Variants in CAMTA1 observed in about 807,000 individuals in gnomAD.
CAMTA1 encodes calmodulin binding transcription activator 1, also known as calmodulin-binding transcription activator 1.
CAMTA1 carries 27 observed loss-of-function variants against 170.9 expected under a neutral mutation model. That is an observed-to-expected ratio of 0.16 (90% CI 0.12 to 0.22). The LOEUF (loss-of-function observed/expected upper bound fraction) is 0.22, where lower values mean the gene tolerates loss of function less well. CAMTA1 is among the 10% of genes least tolerant of loss of function. The probability of loss-of-function intolerance (pLI) is 1.00; values close to 1 mark genes in which losing one functional copy is unlikely to be tolerated. For synonymous variants in CAMTA1, 833 were observed against 891.5 expected (o/e 0.93, Z 1.17); for missense variants, 1,619 against 2,217.2 (o/e 0.73, Z 5.42).
At chr1:6,867,731 G>C (rs1268196020) in intron 3 of CAMTA1, among the ~76,000 whole-genome samples, 1 of 152,090 alleles carries the variant, frequency 6.6e-6, no homozygotes, top group Non-Finnish European at 1.5e-5. Flanking sequence ...ATGGCATGCT[G>C]GTGATTGATT....
At chr1:6,957,208 C>CT (rs1437197399) in intron 3 of CAMTA1, among the ~76,000 whole-genome samples, 1 of 152,188 alleles carries the variant, frequency 6.6e-6, no homozygotes, top group African/African-American at 2.4e-5. Context: ...ACAGGATGCT[C>CT]TTACCCCACC....
At chr1:7,745,060 T>G in intron 17 of CAMTA1, 38 bp downstream of exon 17, 1 of 1,552,908 alleles carries the variant, frequency 6.4e-7, no homozygotes, top group Non-Finnish European at 8.7e-7. Flanking sequence ...CAGCATAGAT[T>G]CCCGGATGTA....
rs144105754 is a variant in CAMTA1, at chr1:6,879,893, A to T, written c.234+54683A>T. On this transcript the variant is annotated intron_variant, in intron 3 of 22. Transcript: ENST00000303635. ...CCTCCTGCCTTGGCCTCCCAAAGTG[A>T]TGGGATTACAGGTATAAGCCACCAT... Among the ~76,000 whole-genome samples the T allele has an allele frequency of 2.7e-3, 401 of 148,852 alleles. 1 individual carries two copies. The highest frequency in any genetic ancestry group is 3.6e-3 in the Non-Finnish European group (242 of 67,458).
At chr1:7,261,757 A>G (rs1329639273) in intron 5 of CAMTA1, among the ~76,000 whole-genome samples, 3 of 152,240 alleles carry the variant, frequency 2.0e-5, no homozygotes, top group South Asian at 2.1e-4. Context: ...CTCCCAGGTA[A>G]CATTCAATGA....
At chr1:7,348,596 A>G (rs2084404292) in intron 5 of CAMTA1, among the ~76,000 whole-genome samples, 1 of 152,246 alleles carries the variant, frequency 6.6e-6, no homozygotes, top group African/African-American at 2.4e-5. Context: ...GAGAACTTCC[A>G]GGGCGAGGAT....
At chr1:7,068,582 G>A (rs1032187233) in intron 3 of CAMTA1, among the ~76,000 whole-genome samples, 1 of 152,022 alleles carries the variant, frequency 6.6e-6, no homozygotes, top group Non-Finnish European at 1.5e-5. Context: ...CATGCATCCC[G>A]AGCTCTGTTT....
At chr1:7,116,868 G>A (rs910325946) in intron 4 of CAMTA1, among the ~76,000 whole-genome samples, 1 of 151,634 alleles carries the variant, frequency 6.6e-6, no homozygotes, top group Non-Finnish European at 1.5e-5. Flanking sequence ...TAGCCAGGAT[G>A]GTCTCGATCT....
chr1:7,028,909 TATAGC>T (rs202023619), intron 3 of CAMTA1, among the ~76,000 whole-genome samples: 3,130 of 152,190 alleles, frequency 0.021, 95 homozygotes, highest in African/African-American at 0.071. Context: ...AGAAGGAAAA[TATAGC>T]AGAGTAAAAA....
chr1:7,671,891 A>T (rs911085318), intron 10 of CAMTA1, among the ~76,000 whole-genome samples: 1 of 152,126 alleles, frequency 6.6e-6, no homozygotes, highest in African/African-American at 2.4e-5. Context: ...TCACCATAGT[A>T]TCCCCGGGGC....
chr1:7,387,200 G>A (rs1575057416), intron 5 of CAMTA1, among the ~76,000 whole-genome samples: 1 of 152,024 alleles, frequency 6.6e-6, no homozygotes, highest in East Asian at 1.9e-4. Context: ...CCTTGTGTAT[G>A]CTGTTGACCC....
chr1:7,654,884 A>G (rs1558062820), intron 7 of CAMTA1, among the ~76,000 whole-genome samples: 1 of 146,400 alleles, frequency 6.8e-6, no homozygotes, highest in Non-Finnish European at 1.5e-5. Context: ...ACACATCTAT[A>G]CACACAAATA....
rs1047091508 is a variant in CAMTA1, at chr1:7,673,093, G to A, written c.2779+2056G>A. Among the ~76,000 whole-genome samples the A allele has an allele frequency of 3.9e-5, 6 of 152,300 alleles. 1 individual carries two copies. The highest frequency in any genetic ancestry group is 1.4e-4 in the African/African-American group (6 of 41,588). On this transcript the variant is annotated intron_variant, in intron 10 of 22. Transcript: ENST00000303635. The surrounding 1 kb of genome is among the most constrained non-coding windows in gnomAD (Gnocchi z 4.6). ...CACCCATCATCTGCTGCCAGAATGC[G>A]ACTTGCCTGGCCTATAAATAGATGC...
At chr1:7,343,005 G>T (rs763129743) in intron 5 of CAMTA1, among the ~76,000 whole-genome samples, 1 of 152,182 alleles carries the variant, frequency 6.6e-6, no homozygotes, top group African/African-American at 2.4e-5. Context: ...ATCACACAGC[G>T]CCAGCCCTCT....
At chr1:7,704,722 G>C (rs1389332475) in intron 11 of CAMTA1, among the ~76,000 whole-genome samples, 1 of 147,978 alleles carries the variant, frequency 6.8e-6, no homozygotes, top group Non-Finnish European at 1.5e-5. Context: ...GGGCAGTGGC[G>C]GGGAGACCGC....
rs1016443221 is a variant in CAMTA1, at chr1:7,014,071, C to T, written c.235-77233C>T. 1.3e-5 allele frequency among the ~76,000 whole-genome samples: 2 copies of T among 152,196 alleles called. No homozygotes were observed. The highest frequency in any genetic ancestry group is 4.8e-5 in the African/African-American group (2 of 41,452). ...TCCATGTGGGAGATAGGGAACCTGT[C>T]GAGTGCGGTTCTGAAGGGCTTGCTC... On this transcript the variant is annotated intron_variant, in intron 3 of 22. Transcript: ENST00000303635. This position sits in a 1 kb window ranked among gnomAD's most constrained non-coding sequence, Gnocchi z 4.2.
Position 6,847,317 on chromosome 1 carries a change from CAAAGAG to C in CAMTA1, c.234+22110_234+22115del, listed in dbSNP as rs551511455. On this transcript the variant is annotated intron_variant, in intron 3 of 22. Coordinates refer to ENST00000303635, the MANE Select transcript of CAMTA1 (RefSeq NM_015215.4). ...ATGATTAGAAAGTTTGCTAGGCAGA[CAAAGAG>C]AATCAGCAAGAAAACTTTCTGGGCT... 1.8e-3 allele frequency among the ~76,000 whole-genome samples: 280 copies of C among 152,034 alleles called. 1 individual carries two copies. The highest frequency in any genetic ancestry group is 4.6e-3 in the South Asian group (22 of 4,804).
chr1:7,177,729 T>G (rs896099228), intron 4 of CAMTA1, among the ~76,000 whole-genome samples: 2 of 146,336 alleles, frequency 1.4e-5, no homozygotes, highest in African/African-American at 5.1e-5. Context: ...TTGATTACCC[T>G]CCCACATACT....
At chr1:7,471,135 C>T (rs1018239805) in intron 6 of CAMTA1, among the ~76,000 whole-genome samples, 8 of 152,226 alleles carry the variant, frequency 5.3e-5, no homozygotes, top group South Asian at 4.1e-4. Context: ...TCTGAGTCAT[C>T]GGGCTTTCAG....
At chr1:6,961,104 G>A (rs1199724372) in intron 3 of CAMTA1, among the ~76,000 whole-genome samples, 9 of 152,174 alleles carry the variant, frequency 5.9e-5, no homozygotes, top group Admixed American at 5.9e-4. Flanking sequence ...GGGAGTTTCT[G>A]GAATGAATTC....
Sources: gnomAD v4.1 joint callset for allele counts (sites outside exome capture counted in the v4.1 genomes callset) on GRCh38, gnomAD v4.1.1 for gene constraint, Gnocchi (gnomAD v3.1) non-coding constraint, MANE v1.5 for transcripts, NCBI Gene and HGNC (gene_info 2026-07-23, HGNC 2026-07-21) for gene names.